Variants in UNC5D observed in about 807,000 individuals in gnomAD.
UNC5D encodes the protein unc-5 netrin receptor D.
UNC5D carries 39 observed loss-of-function variants against 105.4 expected under a neutral mutation model. The ratio of observed to expected loss-of-function variants is 0.37; its 90% CI spans 0.29 to 0.48. The LOEUF (loss-of-function observed/expected upper bound fraction) is 0.48. UNC5D is among the 20% of genes least tolerant of loss of function. UNC5D has a pLI of 0.98. For missense variants in UNC5D, 991 were observed against 1,202.4 expected, an observed-to-expected ratio of 0.82 and a Z score of 2.60; for synonymous variants, 452 against 450.4, an observed-to-expected ratio of 1.00 and a Z score of -0.04.
In UNC5D at chr8:35,568,253, C is replaced by T. The variant is rs1817489056; in HGVS notation, c.466+12C>T. On this transcript the variant is annotated intron_variant, in intron 3 of 16. Transcript: ENST00000404895. ...TGTGCGCATAGCCTGTAAGTACATT[C>T]TGGGTGACCTTGTCTTGTAGGACCA... The T allele has an allele frequency of 6.2e-7, 1 of 1,612,562 alleles. No homozygotes were observed. Among genetic ancestry groups the T allele is most frequent in the East Asian group, 2.2e-5 (1 of 44,842 alleles).
At chr8:35,248,614 T>C (rs1342561095) in intron 1 of UNC5D, among the ~76,000 whole-genome samples, 5 of 96,242 alleles carry the variant, frequency 5.2e-5, no homozygotes, top group Admixed American at 1.8e-4. Flanking sequence ...ATGAAATAGA[T>C]ATAATATATA....
At chr8:35,498,079 C>CA (rs141361517) in intron 1 of UNC5D, among the ~76,000 whole-genome samples, 13 of 59,470 alleles carry the variant, frequency 2.2e-4, no homozygotes, top group Non-Finnish European at 3.8e-4. Flanking sequence ...CAAAACAAAA[C>CA]AAAACAAAAA....
At chr8:35,617,168 A>G (rs1586261068) in intron 4 of UNC5D, among the ~76,000 whole-genome samples, 1 of 152,140 alleles carries the variant, frequency 6.6e-6, no homozygotes, top group Non-Finnish European at 1.5e-5. Context: ...GGCCACAATC[A>G]CCACAGCCAC....
chr8:35,433,807 C>T (rs1269558500), intron 1 of UNC5D, among the ~76,000 whole-genome samples: 1 of 149,906 alleles, frequency 6.7e-6, no homozygotes, highest in Non-Finnish European at 1.5e-5. Flanking sequence ...CGAGATTGCA[C>T]CATTGCACTC....
intron 1 of UNC5D, among the ~76,000 whole-genome samples, chr8:35,294,094 G>T (rs2128864478): frequency 6.6e-6 from 1 of 152,274 alleles, no homozygotes; most frequent in African/African-American, 2.4e-5. Context: ...AGGCCTTCTT[G>T]TTATGTAACT....
rs181386181 is a variant in UNC5D at position 35,315,996 on chromosome 8, C to T, written c.103+80109C>T. 1.5e-3 allele frequency among the ~76,000 whole-genome samples: 225 copies of T among 152,236 alleles called. 1 individual carries two copies. The highest frequency in any genetic ancestry group is 2.7e-3 in the Non-Finnish European group (181 of 68,018). The stretch of plus-strand genomic sequence containing the variant: ...ATTATCAGAAGGCTGACATGATCAG[C>T]TTTATAGCTTAAAGAGATCGGTCGA... On this transcript the variant is annotated intron_variant, in intron 1 of 16. Coordinates refer to ENST00000404895, the MANE Select transcript of UNC5D (RefSeq NM_080872.4).
chr8:35,525,549 C>G, intron 1 of UNC5D: 1 of 1,612,406 alleles, frequency 6.2e-7, no homozygotes, highest in Non-Finnish European at 8.5e-7. Flanking sequence ...GGTTTCTGTT[C>G]GGTCATTAAT....
chr8:35,572,762 A>G (rs191168810), intron 3 of UNC5D, among the ~76,000 whole-genome samples: 24 of 152,142 alleles, frequency 1.6e-4, no homozygotes, highest in African/African-American at 5.5e-4. Context: ...TTCAGTTAAA[A>G]TAATTCAGTA....
At chr8:35,570,182 C>T (rs1817623418) in intron 3 of UNC5D, among the ~76,000 whole-genome samples, 1 of 152,206 alleles carries the variant, frequency 6.6e-6, no homozygotes. Context: ...CTTTGCTCTT[C>T]TGCATGTCAC....
chr8:35,756,463 C>T, intron 13 of UNC5D, among the ~76,000 whole-genome samples: 1 of 150,552 alleles, frequency 6.6e-6, no homozygotes, highest in East Asian at 2.0e-4. Flanking sequence ...TATAGATTGA[C>T]TTATGTCATC....
intron 7 of UNC5D, among the ~76,000 whole-genome samples, chr8:35,689,068 T>C (rs1444842453): frequency 6.6e-6 from 1 of 152,218 alleles, no homozygotes; most frequent in African/African-American, 2.4e-5. Context: ...CATGACAATA[T>C]AACTATTTGG....
chr8:35,340,632 A>C (rs939093245), intron 1 of UNC5D, among the ~76,000 whole-genome samples: 6 of 152,070 alleles, frequency 3.9e-5, no homozygotes, highest in African/African-American at 1.4e-4. Context: ...CCTCTTTGCA[A>C]TTTATTTGGT....
chr8:35,360,953 A>T (rs1315380240), intron 1 of UNC5D, among the ~76,000 whole-genome samples: 2 of 152,110 alleles, frequency 1.3e-5, no homozygotes, highest in East Asian at 3.9e-4. Flanking sequence ...CTTTATTTTT[A>T]TTCAAGTTGC....
chr8:35,589,975 T>A (rs1256585983), intron 3 of UNC5D, among the ~76,000 whole-genome samples: 2 of 152,196 alleles, frequency 1.3e-5, no homozygotes, highest in Admixed American at 6.6e-5. Context: ...TTGCTAACCT[T>A]GGGCATTATT....
chr8:35,731,486 T>TGAGACTTA, intron 11 of UNC5D, among the ~76,000 whole-genome samples: 1 of 146,170 alleles, frequency 6.8e-6, no homozygotes, highest in Middle Eastern at 4.1e-3. Flanking sequence ...ATTAAGAGAA[T>TGAGACTTA]GAGACTTAGA....
intron 3 of UNC5D, among the ~76,000 whole-genome samples, chr8:35,578,614 C>A (rs1332899973): frequency 6.6e-6 from 1 of 152,194 alleles, no homozygotes; most frequent in Non-Finnish European, 1.5e-5. Context: ...CCTGCCACAT[C>A]TTTTTAGTTT....
At chr8:35,692,367 A>G (rs903055823) in intron 7 of UNC5D, among the ~76,000 whole-genome samples, 1 of 152,214 alleles carries the variant, frequency 6.6e-6, no homozygotes, top group Non-Finnish European at 1.5e-5. Flanking sequence ...CTCTTGGACC[A>G]TTCTAAACCT....
At chr8:35,719,793 C>T (rs144057081) in intron 8 of UNC5D, among the ~76,000 whole-genome samples, 108 of 152,240 alleles carry the variant, frequency 7.1e-4, no homozygotes, top group African/African-American at 2.0e-3. Flanking sequence ...TTTCCTCTGC[C>T]GCTTAGCTTG....
intron 1 of UNC5D, among the ~76,000 whole-genome samples, chr8:35,371,047 A>G (rs1802400917): frequency 6.6e-6 from 1 of 152,122 alleles, no homozygotes; most frequent in Admixed American, 6.5e-5. Flanking sequence ...TATGTCTACC[A>G]AAAAATAAAG....
Sources: allele counts gnomAD v4.1 joint callset (sites outside exome capture counted in the v4.1 genomes callset), GRCh38; gene constraint gnomAD v4.1.1; transcripts MANE v1.5; gene names NCBI Gene and HGNC (gene_info 2026-07-23, HGNC 2026-07-21).